The following NAALADL2 variants were observed in gnomAD, a reference collection of about 807,000 sequenced individuals.
NAALADL2 encodes N-acetylated alpha-linked acidic dipeptidase like 2.
A neutral mutation model predicts 87.2 loss-of-function variants in NAALADL2; 76 were observed. The ratio of observed to expected loss-of-function variants is 0.87; its 90% CI spans 0.72 to 1.05. The LOEUF (loss-of-function observed/expected upper bound fraction) is 1.05, where lower values mean the gene tolerates loss of function less well. Ranked by LOEUF, NAALADL2 falls within the 50% of genes least tolerant of loss-of-function variation. The pLI is 0.00. For missense variants in NAALADL2, 1,089 were observed against 945.8 expected (o/e 1.15, Z -1.99); for synonymous variants, 354 against 331.0 (o/e 1.07, Z -0.75).
intron 1 of NAALADL2, among the ~76,000 whole-genome samples, chr3:174,953,498 T>C (rs542926151): frequency 1.3e-5 from 2 of 151,962 alleles, no homozygotes; most frequent in East Asian, 3.9e-4. Flanking sequence ...TTAAGATGTG[T>C]TTTCATGGTG....
At chr3:174,683,337 G>T (rs1253171835) in intron 2 of NAALADL2, among the ~76,000 whole-genome samples, 1 of 152,068 alleles carries the variant, frequency 6.6e-6, no homozygotes, top group Non-Finnish European at 1.5e-5. Flanking sequence ...CAGGTAGAAG[G>T]AAGCCCAATG....
At chr3:174,552,588 A>G (rs1202759462) in intron 2 of NAALADL2, among the ~76,000 whole-genome samples, 1 of 151,982 alleles carries the variant, frequency 6.6e-6, no homozygotes, top group Non-Finnish European at 1.5e-5. Context: ...TGAGTGCAGG[A>G]GTTTGAGACC....
intron 2 of NAALADL2, among the ~76,000 whole-genome samples, chr3:175,105,459 T>C (rs1195558742): frequency 6.7e-6 from 1 of 149,928 alleles, no homozygotes; most frequent in Non-Finnish European, 1.5e-5. Context: ...TACATATATA[T>C]GATTCACATA....
chr3:175,149,593 C>G (rs1209561008), intron 2 of NAALADL2, among the ~76,000 whole-genome samples: 1 of 151,962 alleles, frequency 6.6e-6, no homozygotes, highest in Non-Finnish European at 1.5e-5. Context: ...GTTGCCATGA[C>G]AGCAGGATGT....
At chr3:174,747,310 A>C (rs1032911303) in intron 3 of NAALADL2, among the ~76,000 whole-genome samples, 2 of 152,136 alleles carry the variant, frequency 1.3e-5, no homozygotes, top group African/African-American at 4.8e-5. Context: ...TTACGTGGCC[A>C]AAAAACATAT....
intron 1 of NAALADL2, among the ~76,000 whole-genome samples, chr3:175,095,767 A>G (rs1721051345): frequency 1.3e-5 from 2 of 152,076 alleles, no homozygotes; most frequent in Non-Finnish European, 2.9e-5. Context: ...CCACAGTGGG[A>G]CACACAGAAA....
At chr3:175,462,509 T>C (rs1177766205) in intron 6 of NAALADL2, among the ~76,000 whole-genome samples, 2 of 152,214 alleles carry the variant, frequency 1.3e-5, no homozygotes, top group Non-Finnish European at 2.9e-5. Flanking sequence ...AAGTGACATT[T>C]GTAGGCCTGC....
chr3:175,643,789 A>G (rs1729609276), intron 11 of NAALADL2, among the ~76,000 whole-genome samples: 1 of 152,164 alleles, frequency 6.6e-6, no homozygotes, highest in South Asian at 2.1e-4. Flanking sequence ...CAGTGACGTT[A>G]TTTATCAACT....
chr3:175,651,593 A>T (rs1730775934), intron 11 of NAALADL2, among the ~76,000 whole-genome samples: 1 of 152,192 alleles, frequency 6.6e-6, no homozygotes, highest in Non-Finnish European at 1.5e-5. Flanking sequence ...AAGGATCCAG[A>T]TATTGTTAAG....
At chr3:174,607,435 A>G (rs1333130442) in intron 2 of NAALADL2, among the ~76,000 whole-genome samples, 2 of 150,954 alleles carry the variant, frequency 1.3e-5, no homozygotes, top group African/African-American at 4.9e-5. Context: ...TCACGTGCAG[A>G]GACACACATA....
intron 9 of NAALADL2, among the ~76,000 whole-genome samples, chr3:175,552,585 G>A (rs937209625): frequency 1.8e-4 from 28 of 152,186 alleles, no homozygotes; most frequent in African/African-American, 5.8e-4. Context: ...TTAAAGAAAC[G>A]TCCTATTAAT....
At chr3:174,664,993 C>A (rs1235207127) in intron 2 of NAALADL2, among the ~76,000 whole-genome samples, 1 of 152,228 alleles carries the variant, frequency 6.6e-6, no homozygotes, top group Non-Finnish European at 1.5e-5. Context: ...TGCTTAGCCA[C>A]AGGCTAGCTT....
At chr3:175,446,114 T>G in intron 5 of NAALADL2, among the ~76,000 whole-genome samples, 1 of 152,186 alleles carries the variant, frequency 6.6e-6, no homozygotes, top group Non-Finnish European at 1.5e-5. Flanking sequence ...TTTTGGTATT[T>G]TTAGATATTT....
chr3:175,226,193 A>G lies in NAALADL2; in HGVS notation c.546-7738A>G, dbSNP rs16824828. 9.7e-3 allele frequency among the ~76,000 whole-genome samples: 1,472 copies of G among 152,198 alleles called. 24 individuals are homozygous for G. The highest frequency in any genetic ancestry group is 0.034 in the African/African-American group (1,394 of 41,560). ...GTTGATCAGAAGAGGAGAGACTATT[A>G]CGTTCTCTGGCAGATAATCCATTTC... is the stretch of plus-strand genomic sequence containing the variant. On this transcript the variant is annotated intron_variant, in intron 2 of 13. Transcript: ENST00000454872.
chr3:174,911,229 T>C (rs1411627787), intron 1 of NAALADL2, among the ~76,000 whole-genome samples: 1 of 152,144 alleles, frequency 6.6e-6, no homozygotes, highest in Non-Finnish European at 1.5e-5. Context: ...CAGGTTTGGA[T>C]ATGAGACTAG....
rs113057240 is a variant in NAALADL2, at chr3:175,266,631, C to T, written c.939+10101C>T. Among the ~76,000 whole-genome samples, 1,446 of 151,774 alleles carry T rather than the reference C, an allele frequency of 9.5e-3. 22 individuals carry two copies. The highest frequency in any genetic ancestry group is 0.033 in the African/African-American group (1,375 of 41,500). ...GTAGATAAAATACTCCTATTAAACT[C>T]CTTTTATAATTCTTATACAAAGATA... is the stretch of plus-strand genomic sequence containing the variant. On this transcript the variant is annotated intron_variant, in intron 4 of 13. Transcript: ENST00000454872.
Position 175,471,720 on chromosome 3 carries a change from C to T in NAALADL2, c.1615C>T (p.Pro539Ser). ...SPIRGNSSLYPVASPSLQQLV... is the reference protein window; with the variant it reads ...SPIRGNSSLYSVASPSLQQLV... ...CATAAGGGGGAACTCTAGTCTGTATCCTGTAGCATCACCATCTCTTCAGCA... is the reference window on the plus strand; with the variant it reads ...CATAAGGGGGAACTCTAGTCTGTATTCTGTAGCATCACCATCTCTTCAGCA... Residue 539 changes from proline (P) to serine (S), a missense_variant, in exon 9 of 14, where the codon CCT (proline) becomes TCT (serine). Physicochemically the swap from Pro to Ser is moderately conservative, Grantham distance 74 (BLOSUM62 -1). Coordinates refer to ENST00000454872, the MANE Select transcript of NAALADL2 (RefSeq NM_207015.3). The T allele has an allele frequency of 6.2e-7, 1 of 1,607,592 alleles. No individual in the cohort carries two copies. Among genetic ancestry groups the T allele is most frequent in the Non-Finnish European group, 8.5e-7 (1 of 1,176,262 alleles).
chr3:175,582,274 T>C (rs1176808916), intron 10 of NAALADL2, among the ~76,000 whole-genome samples: 1 of 151,980 alleles, frequency 6.6e-6, no homozygotes, highest in Non-Finnish European at 1.5e-5. Flanking sequence ...AAATGGATAA[T>C]TTAAAAGATC....
intron 1 of NAALADL2, among the ~76,000 whole-genome samples, chr3:175,036,804 C>CTTTTTTTTT (rs10662446): frequency 1.8e-4 from 21 of 117,342 alleles, no homozygotes; most frequent in Middle Eastern, 5.1e-3. Context: ...TCCATCTGTT[C>CTTTTTTTTT]TTTTTTTTTT....
Sources: allele counts gnomAD v4.1 joint callset (sites outside exome capture counted in the v4.1 genomes callset), GRCh38; gene constraint gnomAD v4.1.1; transcripts MANE v1.5; gene names NCBI Gene and HGNC (gene_info 2026-07-23, HGNC 2026-07-21).